The following BAHD1 variants were observed in gnomAD, a reference collection of about 807,000 sequenced individuals.
BAHD1 encodes bromo adjacent homology domain-containing 1 protein.
Under a neutral mutation model 63.1 loss-of-function variants are expected in BAHD1, and 20 were observed. That is an observed-to-expected ratio of 0.32 (90% confidence interval 0.22 to 0.46). BAHD1 has a LOEUF of 0.46. Among genes scored for constraint, BAHD1 ranks in the 20% least tolerant of loss-of-function variants. The pLI is 1.00. For synonymous variants in BAHD1, 408 were observed against 426.8 expected (o/e 0.96, Z 0.54); for missense variants, 939 against 1,071.8 (o/e 0.88, Z 1.73).
intron 1 of BAHD1, among the ~76,000 whole-genome samples, chr15:40,457,572 C>A (rs1893884567): frequency 6.6e-6 from 1 of 152,222 alleles, no homozygotes; most frequent in South Asian, 2.1e-4. Context: ...TCCTCAGAGA[C>A]TGAACTTTGC....
intron 2 of BAHD1, among the ~76,000 whole-genome samples, 161 bp from the exon 3 acceptor site, chr15:40,461,751 A>T (rs1894048409): frequency 6.6e-6 from 1 of 152,152 alleles, no homozygotes; most frequent in African/African-American, 2.4e-5. Flanking sequence ...CCCCTTAGAG[A>T]GTCACTCTGA....
chr15:40,444,908 G>A (rs781392337), intron 1 of BAHD1, among the ~76,000 whole-genome samples: 1 of 151,742 alleles, frequency 6.6e-6, no homozygotes, highest in African/African-American at 2.4e-5. Context: ...CCTTCTACGC[G>A]GGAAGGCCAC....
intron 1 of BAHD1, among the ~76,000 whole-genome samples, chr15:40,455,983 G>A (rs544057771): frequency 6.6e-6 from 1 of 152,242 alleles, no homozygotes; most frequent in South Asian, 2.1e-4. Context: ...TGTTGTTGTT[G>A]TTGTTTTGAG....
At chr15:40,438,640 A>C (rs1893324782), upstream of BAHD1, among the ~76,000 whole-genome samples, 1 of 151,668 alleles carries the variant, frequency 6.6e-6, no homozygotes, top group Non-Finnish European at 1.5e-5. Context: ...TCCCACTGAG[A>C]CCCCAGATAA....
chr15:40,446,599 T>G (rs1009434391), intron 1 of BAHD1, among the ~76,000 whole-genome samples: 1 of 152,240 alleles, frequency 6.6e-6, no homozygotes, highest in Non-Finnish European at 1.5e-5. Context: ...GGTTTGTCTC[T>G]CAGCCTCGCT....
At chr15:40,451,878 G>A (rs953305087) in intron 1 of BAHD1, among the ~76,000 whole-genome samples, 2 of 152,226 alleles carry the variant, frequency 1.3e-5, no homozygotes, top group Non-Finnish European at 2.9e-5. Flanking sequence ...GTAGGGACAT[G>A]TGCCTTTTAA....
intron 1 of BAHD1, among the ~76,000 whole-genome samples, chr15:40,447,672 T>C (rs1389643893): frequency 6.6e-6 from 1 of 152,054 alleles, no homozygotes; most frequent in Non-Finnish European, 1.5e-5. Flanking sequence ...AGGACTTGAA[T>C]TTATTTGGCC....
chr15:40,443,003 G>A (rs1893445558), intron 1 of BAHD1, among the ~76,000 whole-genome samples: 1 of 152,184 alleles, frequency 6.6e-6, no homozygotes, highest in Non-Finnish European at 1.5e-5. Flanking sequence ...TTGTTTACCT[G>A]CTTGGAAAAA....
At chr15:40,462,472 C>T (rs1358720106) in intron 3 of BAHD1, among the ~76,000 whole-genome samples, 178 bp downstream of exon 3, 1 of 152,030 alleles carries the variant, frequency 6.6e-6, no homozygotes, top group African/African-American at 2.4e-5. Context: ...GCTTCCCTAG[C>T]CCCCTACTGA....
intron 1 of BAHD1, among the ~76,000 whole-genome samples, chr15:40,444,989 C>T (rs1449940726): frequency 1.3e-5 from 2 of 152,016 alleles, no homozygotes; most frequent in African/African-American, 4.8e-5. Flanking sequence ...CTACTTCTCT[C>T]CTCCTTCTAC....
At position 40,447,642 on chromosome 15, in the gene BAHD1, T is replaced by G. The variant is rs542696291; in HGVS notation, c.-15+6374T>G. Among the ~76,000 whole-genome samples the G allele has an allele frequency of 4.6e-5, 7 of 152,086 alleles. No homozygotes were observed. The South Asian group carries it at 1.5e-3, about 32-fold the overall frequency. On this transcript the variant is annotated intron_variant, in intron 1 of 6. Coordinates refer to ENST00000416165, the MANE Select transcript of BAHD1 (RefSeq NM_014952.5). ...TAAAAATGATTGAATAACTGAGAGA[T>G]GATTTCCAGAGAAATTGAAAGGACT... is the stretch of plus-strand genomic sequence containing the variant.
At chr15:40,457,067 T>C (rs951161936) in intron 1 of BAHD1, among the ~76,000 whole-genome samples, 15 of 152,214 alleles carry the variant, frequency 9.9e-5, no homozygotes, top group Admixed American at 9.8e-4. Context: ...AGTTAGGGGA[T>C]GATGCCTGGT....
Position 40,441,136 on chromosome 15 carries a change from C to T in BAHD1, c.-147C>T, listed in dbSNP as rs1893387437. On this transcript the variant is annotated 5_prime_UTR_variant, in exon 1 of 7. Coordinates refer to ENST00000416165, the MANE Select transcript of BAHD1 (RefSeq NM_014952.5). Reference sequence around the variant, plus strand: ...CCGCTCCGCCCGCCCGGCCCCGGCCCCCAGGAGGAGGCGCTGACGCAGCAG... The same window carrying T: ...CCGCTCCGCCCGCCCGGCCCCGGCCTCCAGGAGGAGGCGCTGACGCAGCAG... 6.7e-6 allele frequency: 1 copy of T among 149,774 alleles called. No individual in the cohort carries two copies. The highest frequency in any genetic ancestry group is 6.7e-5 in the Admixed American group (1 of 15,030). 9.3% of individuals were successfully genotyped at this position (149,774 alleles called of 1,614,324 possible).
At chr15:40,439,123 C>A (rs1379978104), upstream of BAHD1, among the ~76,000 whole-genome samples, 2 of 152,166 alleles carry the variant, frequency 1.3e-5, no homozygotes, top group African/African-American at 4.8e-5. Flanking sequence ...AGAAATCTTT[C>A]AGCGTCCTAC....
At chr15:40,437,469 T>A (rs1272139744), upstream of BAHD1, among the ~76,000 whole-genome samples, 2 of 152,202 alleles carry the variant, frequency 1.3e-5, no homozygotes, top group Non-Finnish European at 2.9e-5. Flanking sequence ...AGGGGCTTCC[T>A]ATGATGGGGG....
At chr15:40,461,220 G>A (rs1163733856) in intron 2 of BAHD1, among the ~76,000 whole-genome samples, 1 of 152,148 alleles carries the variant, frequency 6.6e-6, no homozygotes, top group Non-Finnish European at 1.5e-5. Flanking sequence ...TAATGTGTTC[G>A]TAAGAAAACC....
chr15:40,448,479 G>A (rs1446858028), intron 1 of BAHD1, among the ~76,000 whole-genome samples: 4 of 152,208 alleles, frequency 2.6e-5, no homozygotes, highest in Admixed American at 1.3e-4. Context: ...GCAGTGTGTT[G>A]CAGTGCAGGA....
At chr15:40,457,270 G>T (rs113453032) in intron 1 of BAHD1, among the ~76,000 whole-genome samples, 4 of 152,136 alleles carry the variant, frequency 2.6e-5, no homozygotes, top group African/African-American at 9.7e-5. Flanking sequence ...GCAGGTCTAC[G>T]CACCGTCCCT....
rs1181724708 is a variant in BAHD1 at position 40,464,451 on chromosome 15, C to T, written c.1976-20C>T. The T allele has an allele frequency of 3.7e-6, 6 of 1,607,112 alleles. No individual in the cohort carries two copies. The Admixed American group carries it at 5.1e-5, about 14-fold the overall frequency. ...CTCAGGTTGCCAGTTCAAGCCATAA[C>T]CACTGTGTTGTCCTTCCAGGAGAGC... On this transcript the variant is annotated intron_variant, in intron 4 of 6. Coordinates refer to ENST00000416165, the MANE Select transcript of BAHD1 (RefSeq NM_014952.5).
Sources: gnomAD v4.1 joint callset for allele counts (sites outside exome capture counted in the v4.1 genomes callset) on GRCh38, gnomAD v4.1.1 for gene constraint, MANE v1.5 for transcripts, NCBI Gene and HGNC (gene_info 2026-07-23, HGNC 2026-07-21) for gene names.